Variants in BANP observed in about 807,000 individuals in gnomAD.
The protein encoded by BANP is protein BANP.
A neutral mutation model predicts 68.1 loss-of-function variants in BANP; 11 were observed. The observed-to-expected ratio is 0.16, with a 90% CI of 0.10 to 0.27. The LOEUF is 0.27. Ranked by LOEUF, BANP falls within the 10% of genes least tolerant of loss-of-function variation. The pLI is 1.00. For missense variants in BANP, 504 were observed against 722.7 expected, an observed-to-expected ratio of 0.70 and a Z score of 3.47; for synonymous variants, 329 against 303.2, an observed-to-expected ratio of 1.09 and a Z score of -0.88.
chr16:87,977,586 G>A lies in BANP; in HGVS notation c.70+2401G>A, dbSNP rs139920112. ...AGTACTTTCCTTGTCTTGAACGTAGGCATCTAATAAAGTTTAACAGGATAG... is the reference window on the plus strand; with the variant it reads ...AGTACTTTCCTTGTCTTGAACGTAGACATCTAATAAAGTTTAACAGGATAG... On this transcript the variant is annotated intron_variant, in intron 2 of 13. Transcript: ENST00000682872. Among the ~76,000 whole-genome samples, 321 of 152,272 alleles carry A rather than the reference G, an allele frequency of 2.1e-3. 5 individuals carry two copies. The highest frequency in any genetic ancestry group is 0.012 in the East Asian group (60 of 5,176).
chr16:88,005,036 A>C (rs181987542), intron 5 of BANP, among the ~76,000 whole-genome samples: 1 of 152,118 alleles, frequency 6.6e-6, no homozygotes, highest in Non-Finnish European at 1.5e-5. Flanking sequence ...GTGTCTTCAC[A>C]AAGTTCTATT....
intron 4 of BANP, among the ~76,000 whole-genome samples, chr16:87,987,731 A>AAAAAAAAAAAAC: frequency 6.7e-6 from 1 of 149,932 alleles, no homozygotes; most frequent in Non-Finnish European, 1.5e-5. Flanking sequence ...AAAAAAAAAA[A>AAAAAAAAAAAAC]AAAAAAAAGG....
chr16:88,008,946 T>C (rs907874842), intron 6 of BANP, among the ~76,000 whole-genome samples: 3 of 152,262 alleles, frequency 2.0e-5, no homozygotes, highest in African/African-American at 7.2e-5. Flanking sequence ...TGACTGTCCT[T>C]GGGAATGTAT....
chr16:87,972,325 T>C (rs62688160), intron 1 of BANP, among the ~76,000 whole-genome samples: 4 of 151,918 alleles, frequency 2.6e-5, no homozygotes, highest in Admixed American at 2.6e-4. Flanking sequence ...TTCTGAGTTC[T>C]AGCACCTTGT....
Position 87,982,449 on chromosome 16 carries a change from G to C in BANP, c.162+1322G>C, listed in dbSNP as rs1598072657. Among the ~76,000 whole-genome samples the C allele has an allele frequency of 3.3e-5, 5 of 152,344 alleles. 1 individual carries two copies. Among genetic ancestry groups the C allele is most frequent in the Admixed American group, 3.3e-4 (5 of 15,304 alleles). ...AGAGCCAAACATTTGATGTTCTCCG[G>C]TTGTTGAAAATAGCGGCGTTATCAG... On this transcript the variant is annotated intron_variant, in intron 3 of 13. Coordinates refer to ENST00000682872, the MANE Select transcript of BANP (RefSeq NM_001386991.1).
Position 88,018,309 on chromosome 16 carries a change from A to G in BANP, c.656-119A>G. 2 of 1,303,076 alleles carry G rather than the reference A, an allele frequency of 1.5e-6. No individual in the cohort carries two copies. Among genetic ancestry groups the G allele is most frequent in the Admixed American group, 2.2e-5 (1 of 46,158 alleles). The allele number at this position is 1,303,076 out of a possible 1,614,324, so 80.7% of individuals were successfully genotyped here. A position where few individuals can be genotyped will look rare whatever the true frequency, so the allele number is the denominator to read the frequency against. On this transcript the variant is annotated intron_variant, in intron 6 of 13. Transcript: ENST00000682872. The surrounding 1 kb of genome is among the most constrained non-coding windows in gnomAD (Gnocchi z 7.7). ...GTGACTGCCTCACAAGTTACGAGGG[A>G]TTTGCCCAGCCCTGCGTGGAGCATC...
chr16:88,045,525 C>T lies in BANP; in HGVS notation c.1311+7514C>T, dbSNP rs117858913. Among the ~76,000 whole-genome samples, 1,340 of 152,318 alleles carry T rather than the reference C, an allele frequency of 8.8e-3. 11 individuals are homozygous for T. The highest frequency in any genetic ancestry group is 0.014 in the Non-Finnish European group (926 of 68,020). ...AAGGACCTTTCTTCCCTGTGCAGCA[C>T]CTGTCGAACATAACATGCTGGACTC... On this transcript the variant is annotated intron_variant, in intron 11 of 13. Transcript: ENST00000682872.
chr16:88,022,308 T>C (rs946778339), intron 7 of BANP, among the ~76,000 whole-genome samples: 2 of 152,218 alleles, frequency 1.3e-5, no homozygotes, highest in Admixed American at 1.3e-4. Context: ...TAAAGAATGC[T>C]GTCTAAGGCC....
intron 10 of BANP, among the ~76,000 whole-genome samples, chr16:88,035,991 G>T (rs982427344): frequency 2.0e-5 from 3 of 152,236 alleles, no homozygotes; most frequent in African/African-American, 7.2e-5. Flanking sequence ...GGTCTGGAAT[G>T]TGAAGGCGGC....
chr16:87,974,779 G>C (rs138005717), intron 1 of BANP, among the ~76,000 whole-genome samples: 1 of 152,154 alleles, frequency 6.6e-6, no homozygotes, highest in Non-Finnish European at 1.5e-5. Flanking sequence ...AGGTGGCTTT[G>C]GAAGGGCATG....
intron 8 of BANP, among the ~76,000 whole-genome samples, chr16:88,032,871 A>G (rs1484074314): frequency 2.6e-5 from 4 of 152,232 alleles, no homozygotes; most frequent in Non-Finnish European, 5.9e-5. Flanking sequence ...GTTTTGTCAT[A>G]GCAGCATCAC....
At chr16:87,971,116 A>G (rs1268729274) in intron 1 of BANP, among the ~76,000 whole-genome samples, 1 of 151,916 alleles carries the variant, frequency 6.6e-6, no homozygotes, top group East Asian at 1.9e-4. Flanking sequence ...AAAGAACTCT[A>G]CCACTCCTTA....
intron 11 of BANP, among the ~76,000 whole-genome samples, chr16:88,062,236 A>T (rs1454031689): frequency 1.3e-5 from 2 of 152,050 alleles, no homozygotes; most frequent in Non-Finnish European, 2.9e-5. Context: ...ACCTGAGTGG[A>T]TTCTTGGTTA....
At chr16:88,029,736 G>A (rs9938327) in intron 8 of BANP, among the ~76,000 whole-genome samples, 78,797 of 152,030 alleles carry the variant, frequency 0.52, 22,783 homozygotes, top group African/African-American at 0.76. Context: ...GTCCTAAGAC[G>A]TTAGACAAGC....
At chr16:87,964,529 G>C (rs757541746) in intron 1 of BANP, among the ~76,000 whole-genome samples, 5 of 152,286 alleles carry the variant, frequency 3.3e-5, no homozygotes, top group Non-Finnish European at 5.9e-5. Flanking sequence ...AGGCCCAAAT[G>C]CAGGGGCCGA....
chr16:88,063,453 A>C (rs772464870), intron 11 of BANP, among the ~76,000 whole-genome samples: 1 of 152,234 alleles, frequency 6.6e-6, no homozygotes, highest in Non-Finnish European at 1.5e-5. Flanking sequence ...CAAACATATG[A>C]AACAATCCAC....
At chr16:88,009,688 G>C (rs747260498) in intron 6 of BANP, among the ~76,000 whole-genome samples, 1 of 150,918 alleles carries the variant, frequency 6.6e-6, no homozygotes. Flanking sequence ...ACAGTAGACT[G>C]TGTCTCATTA....
chr16:88,026,834 C>G (rs1366138396), intron 7 of BANP, among the ~76,000 whole-genome samples: 1 of 152,196 alleles, frequency 6.6e-6, no homozygotes, highest in African/African-American at 2.4e-5. Flanking sequence ...ACAATACACA[C>G]CTGAATTTTC....
chr16:88,010,623 T>C (rs922948190), intron 6 of BANP, among the ~76,000 whole-genome samples: 7 of 152,244 alleles, frequency 4.6e-5, no homozygotes, highest in African/African-American at 1.4e-4. Flanking sequence ...CACACTGCTG[T>C]GCGGATTTAC....
Sources: allele counts gnomAD v4.1 joint callset (sites outside exome capture counted in the v4.1 genomes callset), GRCh38; gene constraint gnomAD v4.1.1; non-coding constraint Gnocchi (gnomAD v3.1); transcripts MANE v1.5; gene names NCBI Gene and HGNC (gene_info 2026-07-23, HGNC 2026-07-21).